CLNK: variants seen among roughly 807,000 people sequenced by gnomAD.
CLNK encodes the protein cytokine dependent hematopoietic cell linker, also known as cytokine-dependent hematopoietic cell linker.
In CLNK, 74 loss-of-function variants were observed where a neutral mutation model predicts 68.6. The ratio of observed to expected loss-of-function variants is 1.08; its 90% CI spans 0.89 to 1.31. The LOEUF (loss-of-function observed/expected upper bound fraction) is 1.31, where lower values mean the gene tolerates loss of function less well. Ranked by LOEUF, CLNK falls within the 50% of genes most tolerant of loss-of-function variation. The probability of loss-of-function intolerance (pLI) is 0.00; values close to 1 mark genes in which losing one functional copy is unlikely to be tolerated. For missense variants in CLNK, 553 were observed against 515.3 expected, an observed-to-expected ratio of 1.07 and a Z score of -0.71; for synonymous variants, 198 against 172.2, an observed-to-expected ratio of 1.15 and a Z score of -1.17.
At chr4:10,629,678 G>A (rs1181481989) in intron 2 of CLNK, among the ~76,000 whole-genome samples, 1 of 152,016 alleles carries the variant, frequency 6.6e-6, no homozygotes, top group African/African-American at 2.4e-5. Context: ...CCAGGCCAAT[G>A]TCTCTCAAGC....
At chr4:10,675,316 C>T (rs1724826873) in intron 1 of CLNK, among the ~76,000 whole-genome samples, 1 of 152,152 alleles carries the variant, frequency 6.6e-6, no homozygotes, top group Non-Finnish European at 1.5e-5. Context: ...GCTCAGAACC[C>T]ACCTGGGGTC....
At chr4:10,563,676 A>C (rs901185210) in intron 7 of CLNK, among the ~76,000 whole-genome samples, 1 of 152,204 alleles carries the variant, frequency 6.6e-6, no homozygotes, top group African/African-American at 2.4e-5. Context: ...TGGGAGGCTA[A>C]GGTGGGTGGA....
At chr4:10,645,033 C>G (rs1019920973) in intron 2 of CLNK, among the ~76,000 whole-genome samples, 5 of 152,188 alleles carry the variant, frequency 3.3e-5, no homozygotes, top group South Asian at 2.1e-4. Context: ...TTTGCTCTTT[C>G]TGTGATTGAA....
At chr4:10,673,495 A>T (rs1724744994) in intron 1 of CLNK, among the ~76,000 whole-genome samples, 1 of 152,218 alleles carries the variant, frequency 6.6e-6, no homozygotes, top group African/African-American at 2.4e-5. Context: ...GCCATAAAAA[A>T]GGATGAGTTC....
chr4:10,564,474 T>C (rs964983584), intron 7 of CLNK, among the ~76,000 whole-genome samples, 197 bp downstream of exon 7: 8 of 152,186 alleles, frequency 5.3e-5, no homozygotes, highest in Non-Finnish European at 8.8e-5. Flanking sequence ...TCCTTCTTTC[T>C]AGAGGTAGGG....
the CLNK span, among the ~76,000 whole-genome samples, chr4:10,690,242 G>A: frequency 2.0e-5 from 3 of 152,004 alleles, no homozygotes; most frequent in Admixed American, 6.6e-5. Context: ...CTGCTTCCTG[G>A]CCCAACCACC....
chr4:10,531,536 A>C (rs932236632), intron 12 of CLNK: 2 of 289,052 alleles, frequency 6.9e-6, no homozygotes, highest in Admixed American at 4.5e-5. Flanking sequence ...TCCTGGGTTC[A>C]AGCGATTCTC....
intron 5 of CLNK, among the ~76,000 whole-genome samples, chr4:10,566,941 G>A (rs1720144108): frequency 6.6e-6 from 1 of 152,102 alleles, no homozygotes; most frequent in Non-Finnish European, 1.5e-5. Flanking sequence ...CAAAAACACT[G>A]TTGATAGTAA....
intron 3 of CLNK, among the ~76,000 whole-genome samples, chr4:10,588,353 A>C (rs1428612828): frequency 6.6e-6 from 1 of 152,202 alleles, no homozygotes; most frequent in Non-Finnish European, 1.5e-5. Context: ...TCAAAGACAA[A>C]CTAGTGCTAA....
At chr4:10,734,107 C>A in the CLNK span, among the ~76,000 whole-genome samples, 2 of 152,260 alleles carry the variant, frequency 1.3e-5, no homozygotes, top group East Asian at 3.9e-4. Flanking sequence ...GTCATTATCT[C>A]ATTTTTTTCC....
intron 14 of CLNK, among the ~76,000 whole-genome samples, chr4:10,523,604 A>C (rs904704762): frequency 1.7e-4 from 21 of 124,284 alleles, no homozygotes; most frequent in African/African-American, 5.5e-4. Flanking sequence ...TAAATGAAAC[A>C]AACAAACAAA....
intron 2 of CLNK, among the ~76,000 whole-genome samples, chr4:10,651,115 T>C (rs1254194796): frequency 2.0e-5 from 3 of 152,170 alleles, no homozygotes; most frequent in Admixed American, 6.5e-5. Flanking sequence ...GTAAGTTAGT[T>C]CAACCATTGT....
At chr4:10,699,837 C>T in the CLNK span, among the ~76,000 whole-genome samples, 1 of 151,930 alleles carries the variant, frequency 6.6e-6, no homozygotes. Context: ...TAAATCAGCT[C>T]TAGATTACTT....
At chr4:10,673,862 C>T (rs1224959042) in intron 1 of CLNK, among the ~76,000 whole-genome samples, 2 of 152,168 alleles carry the variant, frequency 1.3e-5, no homozygotes, top group African/African-American at 2.4e-5. Flanking sequence ...AAAGAGTATG[C>T]AACATCTTCT....
In CLNK at chr4:10,489,818, C is replaced by G. The variant is rs1008799174; in HGVS notation, c.*649G>C. 1 of 148,276 alleles carries G rather than the reference C, an allele frequency of 6.7e-6. No individual in the cohort carries two copies. The highest frequency in any genetic ancestry group is 2.5e-5 in the African/African-American group (1 of 40,100). The allele number at this position is 148,276 out of a possible 1,614,324, so 9.2% of individuals were successfully genotyped here. A position where few individuals can be genotyped will look rare whatever the true frequency, so the allele number is the denominator to read the frequency against. On this transcript the variant is annotated 3_prime_UTR_variant, in exon 19 of 19. Transcript: ENST00000226951. ...AGTAGCTGGGACTACAGGCACCCAC[C>G]ACCACGCCCAGCTGATTTTTTGTAT...
the CLNK span, among the ~76,000 whole-genome samples, chr4:10,702,291 C>G: frequency 6.6e-6 from 1 of 151,876 alleles, no homozygotes; most frequent in Non-Finnish European, 1.5e-5. Flanking sequence ...AGGAAGAACA[C>G]TCAGCTGGGA....
intron 15 of CLNK, among the ~76,000 whole-genome samples, chr4:10,519,705 C>T (rs1050148905): frequency 1.3e-5 from 2 of 151,854 alleles, no homozygotes; most frequent in Non-Finnish European, 1.5e-5. Context: ...TGGAAGCCAG[C>T]GAGACAACCC....
intron 2 of CLNK, among the ~76,000 whole-genome samples, chr4:10,648,069 C>T (rs1424035076): frequency 6.6e-6 from 1 of 152,252 alleles, no homozygotes; most frequent in East Asian, 1.9e-4. Context: ...GGAATCATGC[C>T]TCGTATTTCA....
At chr4:10,676,393 C>CTTTTTTTT (rs33954033) in intron 1 of CLNK, among the ~76,000 whole-genome samples, 1 of 134,356 alleles carries the variant, frequency 7.4e-6, no homozygotes, top group Admixed American at 7.5e-5. Context: ...TTATAGATTT[C>CTTTTTTTT]TTTTTTTTTT....
Sources: gnomAD v4.1 joint callset for allele counts (sites outside exome capture counted in the v4.1 genomes callset) on GRCh38, gnomAD v4.1.1 for gene constraint, MANE v1.5 for transcripts, NCBI Gene and HGNC (gene_info 2026-07-23, HGNC 2026-07-21) for gene names.